Variants in COL6A3 observed in about 807,000 individuals in gnomAD.
COL6A3 encodes the protein collagen alpha-3(VI) chain.
A neutral mutation model predicts 274.1 loss-of-function variants in COL6A3; 137 were observed. The ratio of observed to expected loss-of-function variants is 0.50; its 90% CI spans 0.44 to 0.58. COL6A3 has a LOEUF of 0.58. Ranked by LOEUF, COL6A3 falls within the 20% of genes least tolerant of loss-of-function variation. The pLI, the probability that COL6A3 is intolerant of heterozygous loss-of-function variation, is 0.00. For synonymous variants in COL6A3, 1,650 were observed against 1,650.6 expected (o/e 1.00, Z 0.01); for missense variants, 3,950 against 4,124.9 (o/e 0.96, Z 1.16).
At chr2:237,342,217 A>G in intron 36 of COL6A3, 56 bp from the exon 37 acceptor site, 4 of 1,347,018 alleles carry the variant, frequency 3.0e-6, no homozygotes, top group Non-Finnish European at 4.2e-6. Context: ...GTAATATCTG[A>G]AAATATGGCA....
chr2:237,353,654 G>A (rs962200103), intron 24 of COL6A3, among the ~76,000 whole-genome samples: 16 of 152,170 alleles, frequency 1.1e-4, no homozygotes, highest in Admixed American at 9.8e-4. Context: ...TTGTGAAACA[G>A]GGATCATTTA....
chr2:237,360,383 G>A (rs1159919827), intron 16 of COL6A3, among the ~76,000 whole-genome samples: 1 of 152,174 alleles, frequency 6.6e-6, no homozygotes, highest in Non-Finnish European at 1.5e-5. Context: ...AGATCTGGGA[G>A]GGTAGCAGCG....
intron 16 of COL6A3, among the ~76,000 whole-genome samples, chr2:237,360,858 T>C (rs548775742): frequency 5.3e-5 from 8 of 152,166 alleles, no homozygotes; most frequent in Non-Finnish European, 1.2e-4. Flanking sequence ...GCAAATTCGG[T>C]GTCCCTCTGG....
chr2:237,340,715 C>T lies in COL6A3; in HGVS notation c.8201G>A (p.Arg2734Gln), dbSNP rs115116398. 2.7e-5 allele frequency: 44 copies of T among 1,614,150 alleles called. 1 individual carries two copies. In the Middle Eastern group the frequency reaches 4.9e-4, roughly 18 times the overall value. The change falls in exon 38 of 44, where the codon CGG (arginine) becomes CAG (glutamine). Residue 2734 changes from arginine (R) to glutamine (Q), a missense_variant. By Grantham distance (43) the Arg-to-Gln change is conservative (BLOSUM62 1). Coordinates refer to ENST00000295550, the MANE Select transcript of COL6A3 (RefSeq NM_004369.4). ...CATCAGGACCACAATTTTCAGGTCCCGTGGGTTTGGGGCACTTTCAAAGAC... is the reference window on the plus strand; with the variant it reads ...CATCAGGACCACAATTTTCAGGTCCTGTGGGTTTGGGGCACTTTCAAAGAC... ...ENVFESAPNP[R>Q]DLKIVVLMLT... is the part of the protein sequence containing the mutation.
In COL6A3 at chr2:237,396,741, T is replaced by C. The variant is rs1381568881; in HGVS notation, c.77A>G (p.Gln26Arg). The C allele has an allele frequency of 6.2e-6, 10 of 1,614,164 alleles. No individual in the cohort carries two copies. The highest frequency in any genetic ancestry group is 8.5e-6 in the Non-Finnish European group (10 of 1,180,016). Residue 26 changes from glutamine to arginine, a missense_variant, in exon 2 of 44, where the codon CAG becomes CGG. This residue lies in a region of COL6A3 where 1,934 missense variants were observed against 1,984.3 expected (regional missense o/e 0.97). Transcript: ENST00000295550. Reference sequence around the variant, plus strand: ...CTGGCTCTTACCTGCTTGCTGCTGCTGGGCATGAGTTGTAGGAAAGCCTGA... The same window carrying C: ...CTGGCTCTTACCTGCTTGCTGCTGCCGGGCATGAGTTGTAGGAAAGCCTGA... ...FLSGFPTTHA[Q>R]QQQADVKNGA...
intron 38 of COL6A3, 80 bp from the exon 39 acceptor site, chr2:237,339,197 A>ATGTTATG: frequency 1.0e-6 from 1 of 969,632 alleles, no homozygotes; most frequent in Non-Finnish European, 1.6e-6. Flanking sequence ...AACAAGTTAA[A>ATGTTATG]TGAATCACAT....
rs1190794379 is a variant in COL6A3 at position 237,372,301 on chromosome 2, T to C, written c.3716A>G (p.Asp1239Gly). 21 of 1,610,982 alleles carry C rather than the reference T, an allele frequency of 1.3e-5. No homozygotes were observed. Among genetic ancestry groups the C allele is most frequent in the Non-Finnish European group, 1.8e-5 (21 of 1,180,024 alleles). ...CTCAGGCCCGGCACTTTGGGACCCA[T>C]CGATGAGAAAGACCACGTCCCTCTT... ...GGKRDVVFLI[D>G]GSQSAGPEFQ... is the part of the protein sequence containing the mutation. Residue 1239 changes from aspartate (D) to glycine (G), a missense_variant, in exon 9 of 44, where the codon GAT becomes GGT. By Grantham distance (94) the Asp-to-Gly change is moderately conservative (BLOSUM62 -1). This residue lies in a region of COL6A3 where 1,934 missense variants were observed against 1,984.3 expected (regional missense o/e 0.97). Coordinates refer to ENST00000295550, the MANE Select transcript of COL6A3 (RefSeq NM_004369.4).
chr2:237,374,989 A>G lies in COL6A3; in HGVS notation c.3102T>C (p.Leu1034=). Residue 1034 remains leucine (L), a synonymous_variant, in exon 8 of 44, where the codon CTT becomes CTC. Coordinates refer to ENST00000295550, the MANE Select transcript of COL6A3 (RefSeq NM_004369.4). The surrounding 1 kb of genome is among the most constrained non-coding windows in gnomAD (Gnocchi z 4.8). The part of the protein sequence containing the change: ...VSGEKDVVFL[L]DGSEGVRSGF... Reference sequence around the variant, plus strand: ...CGCTCCTGACGCCCTCAGAGCCATCAAGCAGAAACACCACGTCCTTTTCAC... The same window carrying G: ...CGCTCCTGACGCCCTCAGAGCCATCGAGCAGAAACACCACGTCCTTTTCAC... The G allele has an allele frequency of 6.2e-7, 1 of 1,613,944 alleles. No individual in the cohort carries two copies. The highest frequency in any genetic ancestry group is 1.3e-5 in the African/African-American group (1 of 75,014).
chr2:237,352,657 C>A, intron 25 of COL6A3, 73 bp from the exon 26 acceptor site: 1 of 1,411,918 alleles, frequency 7.1e-7, no homozygotes, highest in South Asian at 1.2e-5. Context: ...TGGCATCTGC[C>A]CATCCCACAG....
chr2:237,379,285 T>C (rs1046081595), intron 5 of COL6A3, 50 bp from the exon 6 acceptor site: 2 of 1,611,706 alleles, frequency 1.2e-6, no homozygotes, highest in Admixed American at 1.7e-5. Flanking sequence ...CCACGGAGAG[T>C]TTTATCATGT....
In COL6A3 at chr2:237,371,007, C is replaced by T. The variant is rs2077672854; in HGVS notation, c.4285+725G>A. Among the ~76,000 whole-genome samples, 1 of 152,204 alleles carries T rather than the reference C, an allele frequency of 6.6e-6. No individual in the cohort carries two copies. Among genetic ancestry groups the T allele is most frequent in the Non-Finnish European group, 1.5e-5 (1 of 68,040 alleles). On this transcript the variant is annotated intron_variant, in intron 9 of 43. Transcript: ENST00000295550. This position sits in a 1 kb window ranked among gnomAD's most constrained non-coding sequence, Gnocchi z 4.3. ...CTGTCCTGGTTAATAAGAGTGACTGCTCTTCTCTACCAATCTATACCAAGG... is the reference window on the plus strand; with the variant it reads ...CTGTCCTGGTTAATAAGAGTGACTGTTCTTCTCTACCAATCTATACCAAGG...
intron 9 of COL6A3, 38 bp from the exon 10 acceptor site, chr2:237,369,215 G>T (rs545807525): frequency 6.2e-7 from 1 of 1,600,798 alleles, no homozygotes; most frequent in African/African-American, 1.3e-5. Context: ...CATTCAGTGT[G>T]TAAGTAGCCC....
rs2077061803 is a variant in COL6A3, at chr2:237,344,684, A to C, written c.7334T>G (p.Val2445Gly). Residue 2445 changes from valine (V) to glycine (G), a missense_variant, in exon 36 of 44, where the codon GTG becomes GGG. Physicochemically the swap from Val to Gly is moderately radical, Grantham distance 109. Transcript: ENST00000295550. This position sits in a 1 kb window ranked among gnomAD's most constrained non-coding sequence, Gnocchi z 4.8. Reference sequence around the variant, plus strand: ...CTCGTTGTTGTAGGTGACCACAGCCACCCGGGCCCCCCGTGGGCAGTTGCT... The same window carrying C: ...CTCGTTGTTGTAGGTGACCACAGCCCCCCGGGCCCCCCGTGGGCAGTTGCT... ...AESNCPRGAR[V>G]AVVTYNNEVT... 2.5e-6 allele frequency: 4 copies of C among 1,610,646 alleles called. No homozygotes were observed. Among genetic ancestry groups the C allele is most frequent in the Middle Eastern group, 3.3e-4 (2 of 6,046 alleles).
Position 237,374,656 on chromosome 2 carries a change from C to T in COL6A3, c.3435G>A (p.Gly1145=). 1 of 1,614,104 alleles carries T rather than the reference C, an allele frequency of 6.2e-7. No individual in the cohort carries two copies. Among genetic ancestry groups the T allele is most frequent in the Non-Finnish European group, 8.5e-7 (1 of 1,180,014 alleles). ...CCACGGAGGGGTTCCGCACATCATC[C>T]CCAGACCTGTCGGCCGTGAGGACGA... is the stretch of plus-strand genomic sequence containing the variant. ...LLIVLTADRS[G]DDVRNPSVVV... The change falls in exon 8 of 44, where the codon GGG becomes GGA. Residue 1145 remains glycine, a synonymous_variant. Coordinates refer to ENST00000295550, the MANE Select transcript of COL6A3 (RefSeq NM_004369.4). This position sits in a 1 kb window ranked among gnomAD's most constrained non-coding sequence, Gnocchi z 4.8.
chr2:237,378,253 A>G (rs1029665517), intron 6 of COL6A3, among the ~76,000 whole-genome samples: 2 of 152,238 alleles, frequency 1.3e-5, no homozygotes, highest in Non-Finnish European at 1.5e-5. Context: ...TAAAAATACA[A>G]TTTCAACGTT....
intron 3 of COL6A3, among the ~76,000 whole-genome samples, chr2:237,388,685 G>A (rs1201172173): frequency 2.0e-5 from 3 of 152,168 alleles, no homozygotes; most frequent in East Asian, 3.8e-4. Context: ...ACAGAGTCAC[G>A]ATTTGGTGAT....
rs2077100664 is a variant in COL6A3 at position 237,346,553 on chromosome 2, G to T, written c.7042C>A (p.Pro2348Thr). Residue 2348 changes from proline (P) to threonine (T), a missense_variant, in exon 32 of 44, where the codon CCT becomes ACT. Pro to Thr is a conservative substitution (Grantham distance 38, BLOSUM62 -1). Transcript: ENST00000295550. ...GIRGRRGNSG[P>T]PGIVGQKGDP... ...CCCTTCTGTCCAACTATCCCTGGAG[G>T]TCCCGAATTTCCCTAGAGGGAGCAG... The T allele has an allele frequency of 6.2e-7, 1 of 1,613,900 alleles. No homozygotes were observed. Among genetic ancestry groups the T allele is most frequent in the African/African-American group, 1.3e-5 (1 of 75,016 alleles).
intron 38 of COL6A3, among the ~76,000 whole-genome samples, chr2:237,339,391 G>A (rs916017044): frequency 2.6e-5 from 4 of 152,118 alleles, no homozygotes; most frequent in Non-Finnish European, 5.9e-5. Context: ...GAGAAGACAG[G>A]GATAGAAGAA....
In COL6A3 at chr2:237,360,233, G is replaced by A. The variant is rs111638541; in HGVS notation, c.6211-74C>T. On this transcript the variant is annotated intron_variant, in intron 16 of 43. Transcript: ENST00000295550. ...CTTTCTCTGCCGGGCTTGCAGCAGC[G>A]TAAAGGGTACTGTGAACAGCATGCA... 1,141 of 1,417,476 alleles carry A rather than the reference G, an allele frequency of 8.0e-4. 13 individuals are homozygous for A. In the African/African-American group the frequency reaches 8.1e-3, roughly 10 times the overall value. The allele number at this position is 1,417,476 out of a possible 1,614,324, so 87.8% of individuals were successfully genotyped here. A position where few individuals can be genotyped will look rare whatever the true frequency, so the allele number is the denominator to read the frequency against.
Sources: allele counts gnomAD v4.1 joint callset (sites outside exome capture counted in the v4.1 genomes callset), GRCh38; gene constraint gnomAD v4.1.1; regional missense constraint gnomAD v4.1.1; non-coding constraint Gnocchi (gnomAD v3.1); transcripts MANE v1.5; gene names NCBI Gene and HGNC (gene_info 2026-07-23, HGNC 2026-07-21).